CYB5RL: variants seen among roughly 807,000 people sequenced by gnomAD.
The protein encoded by CYB5RL is NADH-cytochrome b5 reductase-like.
Under a neutral mutation model 37.5 loss-of-function variants are expected in CYB5RL, and 38 were observed. The ratio of observed to expected loss-of-function variants is 1.01; its 90% confidence interval spans 0.78 to 1.33. The LOEUF (loss-of-function observed/expected upper bound fraction) is 1.33. Ranked by LOEUF, CYB5RL falls within the 40% of genes most tolerant of loss-of-function variation. The pLI is 0.00. For missense variants in CYB5RL, 388 were observed against 394.4 expected (o/e 0.98, Z 0.14); for synonymous variants, 141 against 151.9 (o/e 0.93, Z 0.53).
chr1:54,189,151 C>T (rs2100475097), intron 4 of CYB5RL, among the ~76,000 whole-genome samples: 1 of 151,912 alleles, frequency 6.6e-6, no homozygotes, highest in Non-Finnish European at 1.5e-5. Context: ...CCACTGCACT[C>T]CAACCTGGGT....
intron 7 of CYB5RL, among the ~76,000 whole-genome samples, chr1:54,176,851 A>G (rs1208770164): frequency 6.6e-6 from 1 of 152,052 alleles, no homozygotes; most frequent in Non-Finnish European, 1.5e-5. Context: ...GTGGCAGCAG[A>G]ACCATCAAGG....
chr1:54,187,468 A>T lies in CYB5RL; in HGVS notation c.435+184T>A, dbSNP rs547892069. Among the ~76,000 whole-genome samples the T allele has an allele frequency of 1.4e-4, 21 of 152,264 alleles. No homozygotes were observed. The East Asian group carries it at 4.1e-3, about 29-fold the overall frequency. ...CCTACCTCTTGCCTAATCCTCTCAGATTGCATCCTGCTCCCTTGGCACTCC... is the reference window on the plus strand; with the variant it reads ...CCTACCTCTTGCCTAATCCTCTCAGTTTGCATCCTGCTCCCTTGGCACTCC... On this transcript the variant is annotated intron_variant, in intron 5 of 7. Coordinates refer to ENST00000534324, the MANE Select transcript of CYB5RL (RefSeq NM_001031672.4).
At chr1:54,188,723 G>A (rs548171940) in intron 4 of CYB5RL, among the ~76,000 whole-genome samples, 1 of 152,302 alleles carries the variant, frequency 6.6e-6, no homozygotes, top group South Asian at 2.1e-4. Context: ...TAACTTCAGA[G>A]CTGGGTTCCT....
At chr1:54,192,441 T>C (rs1643964452) in intron 3 of CYB5RL, among the ~76,000 whole-genome samples, 1 of 152,096 alleles carries the variant, frequency 6.6e-6, no homozygotes, top group Admixed American at 6.5e-5. Context: ...CACTTTGGCC[T>C]CTCAAAGTGC....
intron 4 of CYB5RL, chr1:54,188,006 G>C (rs1021109127): frequency 2.3e-6 from 1 of 442,730 alleles, no homozygotes; most frequent in Non-Finnish European, 4.1e-6. Context: ...AACCCGGGAG[G>C]TGGAGGTTTC....
At chr1:54,180,336 G>C in intron 6 of CYB5RL, 1 of 345,380 alleles carries the variant, frequency 2.9e-6, no homozygotes, top group Non-Finnish European at 5.6e-6. Context: ...TCTTAAAGAG[G>C]GGTGAACCTC....
chr1:54,196,835 G>T (rs1430042780), intron 1 of CYB5RL, among the ~76,000 whole-genome samples: 1 of 152,208 alleles, frequency 6.6e-6, no homozygotes, highest in African/African-American at 2.4e-5. Flanking sequence ...GGAAACAGAA[G>T]AAGGTTGTGA....
intron 1 of CYB5RL, among the ~76,000 whole-genome samples, chr1:54,198,045 AAAAAAAAAAAAG>A (rs1644027289): frequency 1.4e-5 from 1 of 71,292 alleles, no homozygotes; most frequent in Non-Finnish European, 3.6e-5. Context: ...AAAAAAAAAA[AAAAAAAAAAAAG>A]GGTGGTATCT....
At position 54,184,224 on chromosome 1, in the gene CYB5RL, C is replaced by CAA; in HGVS notation, c.476_477insTT (p.Trp159CysfsTer2). 1 of 1,613,812 alleles carries CAA rather than the reference C, an allele frequency of 6.2e-7. No individual in the cohort carries two copies. Among genetic ancestry groups the CAA allele is most frequent in the Admixed American group, 1.7e-5 (1 of 60,000 alleles). On this transcript the variant is annotated frameshift_variant, in exon 6 of 8. Coordinates refer to ENST00000534324, the MANE Select transcript of CYB5RL (RefSeq NM_001031672.4). LOFTEE classifies it high-confidence loss of function. The stretch of plus-strand genomic sequence containing the variant: ...GCCAGAAAGCTGTGTCTCCTACTCT[C>CAA]CAGGACTCAACATACCGGGACATCA...
intron 6 of CYB5RL, 55 bp downstream of exon 6, chr1:54,184,106 C>G: frequency 6.6e-7 from 1 of 1,517,314 alleles, no homozygotes; most frequent in Non-Finnish European, 9.0e-7. Flanking sequence ...TGGGCCGAAA[C>G]ATGAAAACCA....
At chr1:54,197,093 C>T (rs1178002088) in intron 1 of CYB5RL, among the ~76,000 whole-genome samples, 1 of 152,082 alleles carries the variant, frequency 6.6e-6, no homozygotes, top group Non-Finnish European at 1.5e-5. Context: ...AGTTTGGTTT[C>T]AGGTATGCTG....
At position 54,195,712 on chromosome 1, in the gene CYB5RL, C is replaced by T; in HGVS notation, c.-96G>A. 2 of 1,398,074 alleles carry T rather than the reference C, an allele frequency of 1.4e-6. No homozygotes were observed. The highest frequency in any genetic ancestry group is 2.9e-5 in the South Asian group (2 of 68,060). The allele number at this position is 1,398,074 out of a possible 1,614,324, so 86.6% of individuals were successfully genotyped here. A position where few individuals can be genotyped will look rare whatever the true frequency, so the allele number is the denominator to read the frequency against. On this transcript the variant is annotated 5_prime_UTR_variant, in exon 3 of 8. Transcript: ENST00000534324. ...ACGGGCGCAGGCCCTGCTCCTTGGC[C>T]AGCCTGGGAGAGGGAAAACATGGGG...
At chr1:54,188,719 C>T (rs1643924186) in intron 4 of CYB5RL, among the ~76,000 whole-genome samples, 1 of 152,234 alleles carries the variant, frequency 6.6e-6, no homozygotes. Context: ...GCTCTAACTT[C>T]AGAGCTGGGT....
At chr1:54,178,518 G>A (rs1359116289) in intron 7 of CYB5RL, among the ~76,000 whole-genome samples, 1 of 152,214 alleles carries the variant, frequency 6.6e-6, no homozygotes, top group Non-Finnish European at 1.5e-5. Context: ...GGTTACCTGA[G>A]TGAGCGGAGG....
intron 7 of CYB5RL, among the ~76,000 whole-genome samples, chr1:54,178,022 G>A (rs547655681): frequency 7.7e-4 from 117 of 152,240 alleles, no homozygotes; most frequent in Middle Eastern, 3.4e-3. Flanking sequence ...CCCATCCCTC[G>A]CGCCCACCCC....
chr1:54,198,798 ATTTT>A (rs545571241), intron 1 of CYB5RL, among the ~76,000 whole-genome samples: 1 of 148,758 alleles, frequency 6.7e-6, no homozygotes, highest in Non-Finnish European at 1.5e-5. Flanking sequence ...CGCCTCGCTA[ATTTT>A]TTTTTTATTA....
At position 54,176,245 on chromosome 1, in the gene CYB5RL, C is replaced by T. The variant is rs569818023; in HGVS notation, c.745-1423G>A. On this transcript the variant is annotated intron_variant, in intron 7 of 7. Transcript: ENST00000534324. ...TCTATTCTGAGGCACACTCAAAGGG[C>T]CCTGGAGGCAGGTGCAGTGGCTCAA... is the stretch of plus-strand genomic sequence containing the variant. Among the ~76,000 whole-genome samples, 64 of 152,300 alleles carry T rather than the reference C, an allele frequency of 4.2e-4. 1 individual carries two copies. In the East Asian group the frequency reaches 0.011, roughly 26 times the overall value.
Position 54,190,022 on chromosome 1 carries a change from A to T in CYB5RL, c.347+726T>A, listed in dbSNP as rs191900189. On this transcript the variant is annotated intron_variant, in intron 4 of 7. Coordinates refer to ENST00000534324, the MANE Select transcript of CYB5RL (RefSeq NM_001031672.4). ...CCCAAATGCCACTCAGCTATGTGCC[A>T]ATGACTCCCAAACCCATGCCTGCAG... Among the ~76,000 whole-genome samples, 3 of 152,306 alleles carry T rather than the reference A, an allele frequency of 2.0e-5. No homozygotes were observed. The East Asian group carries it at 5.8e-4, about 29-fold the overall frequency.
Position 54,174,641 on chromosome 1 carries a change from TC to T in CYB5RL, c.925del (p.Glu309ArgfsTer16). ...GGGCTAGAAGAGGAAATAGGAGTCCTCAGTGAGGCCTGCGCACAGTAAGCAC... is the reference window on the plus strand; with the variant it reads ...GGGCTAGAAGAGGAAATAGGAGTCCTAGTGAGGCCTGCGCACAGTAAGCAC... The part of the protein sequence containing the change: ...ARCLLCAGLT[E>X]DSYFLF On this transcript the variant is annotated frameshift_variant, in exon 8 of 8. Transcript: ENST00000534324. LOFTEE classifies it high-confidence loss of function. 1 of 1,611,188 alleles carries T rather than the reference TC, an allele frequency of 6.2e-7. No homozygotes were observed. The highest frequency in any genetic ancestry group is 8.5e-7 in the Non-Finnish European group (1 of 1,178,848).
Sources: gnomAD v4.1 joint callset for allele counts (sites outside exome capture counted in the v4.1 genomes callset) on GRCh38, gnomAD v4.1.1 for gene constraint, MANE v1.5 for transcripts, NCBI Gene and HGNC (gene_info 2026-07-23, HGNC 2026-07-21) for gene names.